The following ENO2 variants were observed in gnomAD, a reference collection of about 807,000 sequenced individuals.
ENO2 encodes the protein gamma-enolase.
ENO2 carries 19 observed loss-of-function variants against 48.7 expected under a neutral mutation model. The ratio of observed to expected loss-of-function variants is 0.39; its 90% CI spans 0.27 to 0.57. The LOEUF is 0.57. Among genes scored for constraint, ENO2 ranks in the 20% least tolerant of loss-of-function variants. The pLI is 0.58. For missense variants in ENO2, 416 were observed against 555.0 expected (o/e 0.75, Z 2.52); for synonymous variants, 198 against 213.4 (o/e 0.93, Z 0.63).
intron 8 of ENO2, 128 bp from the exon 9 acceptor site, chr12:6,921,453 C>T: frequency 1.1e-6 from 1 of 893,802 alleles, no homozygotes; most frequent in Non-Finnish European, 1.8e-6. Flanking sequence ...TTTGTCTTAG[C>T]AAGGATGAGC....
Position 6,916,944 on chromosome 12 carries a change from TG to T in ENO2, c.241-92del. On this transcript the variant is annotated intron_variant, in intron 4 of 11. Coordinates refer to ENST00000229277, the MANE Select transcript of ENO2 (RefSeq NM_001975.3). This position sits in a 1 kb window ranked among gnomAD's most constrained non-coding sequence, Gnocchi z 4.5. Reference sequence around the variant, plus strand: ...CTGTCACAGGGACCTGGTTGGACCCTGGCCAAATGTGAGCTTGGGTGTGAAT... The same window carrying T: ...CTGTCACAGGGACCTGGTTGGACCCTGCCAAATGTGAGCTTGGGTGTGAAT... 6.4e-7 allele frequency: 1 copy of T among 1,568,016 alleles called. No individual in the cohort carries two copies. Among genetic ancestry groups the T allele is most frequent in the Non-Finnish European group, 8.7e-7 (1 of 1,143,606 alleles).
rs1031411638 is a variant in ENO2 at position 6,914,917 on chromosome 12, T to G, written c.-13+258T>G. Among the ~76,000 whole-genome samples, 2 of 152,154 alleles carry G rather than the reference T, an allele frequency of 1.3e-5. No homozygotes were observed. The highest frequency in any genetic ancestry group is 2.4e-5 in the African/African-American group (1 of 41,432). ...CCTGCCTCTCTCCCGGTGCTCGCCC[T>G]CATCTACGGTTCTATTTGTTTCTAA... On this transcript the variant is annotated intron_variant, in intron 1 of 11. Coordinates refer to ENST00000229277, the MANE Select transcript of ENO2 (RefSeq NM_001975.3). This position sits in a 1 kb window ranked among gnomAD's most constrained non-coding sequence, Gnocchi z 7.1.
At chr12:6,921,921 C>G in intron 9 of ENO2, 135 bp from the exon 10 acceptor site, 1 of 1,473,072 alleles carries the variant, frequency 6.8e-7, no homozygotes, top group East Asian at 2.3e-5. Flanking sequence ...CTCACCTCTG[C>G]CCCTCCACCC....
chr12:6,919,631 G>A lies in ENO2; in HGVS notation c.733G>A (p.Asp245Asn). The A allele has an allele frequency of 6.2e-7, 1 of 1,614,150 alleles. No homozygotes were observed. The highest frequency in any genetic ancestry group is 8.5e-7 in the Non-Finnish European group (1 of 1,180,044). ...GYTEKIVIGMDVAASEFYRDG... is the reference protein window; with the variant it reads ...GYTEKIVIGMNVAASEFYRDG... ...CACGGAAAAGATCGTTATTGGCATGGATGTTGCTGCCTCAGAGTTTTATCG... is the reference window on the plus strand; with the variant it reads ...CACGGAAAAGATCGTTATTGGCATGAATGTTGCTGCCTCAGAGTTTTATCG... The change falls in exon 8 of 12, where the codon GAT becomes AAT. Residue 245 changes from aspartate to asparagine, a missense_variant. Asp to Asn is a conservative substitution (Grantham distance 23). Coordinates refer to ENST00000229277, the MANE Select transcript of ENO2 (RefSeq NM_001975.3).
intron 5 of ENO2, 34 bp downstream of exon 5, chr12:6,917,141 C>T: frequency 1.2e-6 from 2 of 1,613,080 alleles, no homozygotes; most frequent in Non-Finnish European, 1.7e-6. Flanking sequence ...GGGGAAGCGT[C>T]AGGGTGGGGA....
chr12:6,918,446 G>C (rs1170647277), intron 7 of ENO2, among the ~76,000 whole-genome samples: 4 of 150,352 alleles, frequency 2.7e-5, no homozygotes, highest in Non-Finnish European at 5.9e-5. Context: ...CGCCTCCCGG[G>C]TTCACGCCAT....
In ENO2 at chr12:6,923,155, G is replaced by A. The variant is rs1945357967; in HGVS notation, c.*355G>A. On this transcript the variant is annotated 3_prime_UTR_variant, in exon 12 of 12. Coordinates refer to ENST00000229277, the MANE Select transcript of ENO2 (RefSeq NM_001975.3). ...TTGGTGTGCTGAGGTGTTAGAGAGG[G>A]ACCATGTGTCACTTGTGCTTTGCTC... The A allele has an allele frequency of 6.9e-6, 2 of 288,134 alleles. No individual in the cohort carries two copies. Among genetic ancestry groups the A allele is most frequent in the Admixed American group, 4.4e-5 (1 of 22,550 alleles). 17.8% of individuals were successfully genotyped at this position (288,134 alleles called of 1,614,324 possible).
chr12:6,917,201 C>T, intron 5 of ENO2, 94 bp downstream of exon 5: 1 of 1,469,144 alleles, frequency 6.8e-7, no homozygotes, highest in Non-Finnish European at 9.4e-7. Context: ...GTGGCTTCCT[C>T]AGGAATGACT....
Position 6,917,030 on chromosome 12 carries a change from G to A in ENO2, c.241-8G>A, listed in dbSNP as rs1555141670. On this transcript the variant is annotated splice_region_variant and splice_polypyrimidine_tract_variant and intron_variant, in intron 4 of 11. Transcript: ENST00000229277. ...CCTGGCCCTGGGTGATGGAGGCTCT[G>A]CCCTCAGGGTCTCTCTGTGGTGGAG... 6.2e-7 allele frequency: 1 copy of A among 1,614,136 alleles called. No homozygotes were observed. Among genetic ancestry groups the A allele is most frequent in the Non-Finnish European group, 8.5e-7 (1 of 1,180,020 alleles).
chr12:6,918,981 C>CAAAAAAA lies in ENO2; in HGVS notation c.668-569_668-563dup, dbSNP rs58247795. 5.3e-5 allele frequency among the ~76,000 whole-genome samples: 4 copies of CAAAAAAA among 75,874 alleles called. No homozygotes were observed. In the East Asian group the frequency reaches 1.5e-3, roughly 29 times the overall value. The allele number at this position is 75,874 out of a possible 152,430, so 49.8% of individuals were successfully genotyped here. On this transcript the variant is annotated intron_variant, in intron 7 of 11. Transcript: ENST00000229277. The stretch of plus-strand genomic sequence containing the variant: ...TGGGCAACAGAGCGAGACTCCGTCT[C>CAAAAAAA]AAAAAAAAAAAAAAAAAAAAAAGTT...
Position 6,918,168 on chromosome 12 carries a change from G to A in ENO2, c.667+6G>A. On this transcript the variant is annotated splice_donor_region_variant and intron_variant, in intron 7 of 11. Coordinates refer to ENST00000229277, the MANE Select transcript of ENO2 (RefSeq NM_001975.3). ...TATCCTGGAGAACAGTGAAGGTGAG[G>A]CCAGGAGCCCCACTCCCAGCTCTAA... 6.2e-7 allele frequency: 1 copy of A among 1,613,846 alleles called. No individual in the cohort carries two copies. Among genetic ancestry groups the A allele is most frequent in the Non-Finnish European group, 8.5e-7 (1 of 1,179,866 alleles).
At chr12:6,915,694 A>AACCCCC in intron 1 of ENO2, 127 bp from the exon 2 acceptor site, 1 of 145,570 alleles carries the variant, frequency 6.9e-6, no homozygotes, top group Non-Finnish European at 1.4e-5. Flanking sequence ...GCGCCTCCCT[A>AACCCCC]CCCACCCCCC....
At chr12:6,917,891 C>A in intron 6 of ENO2, 49 bp from the exon 7 acceptor site, 1 of 1,145,560 alleles carries the variant, frequency 8.7e-7, no homozygotes. Flanking sequence ...ACTCCTGGGG[C>A]GGGCAGGGAG....
chr12:6,922,838 A>G lies in ENO2; in HGVS notation c.*38A>G, dbSNP rs1555142271. 3.1e-6 allele frequency: 5 copies of G among 1,606,662 alleles called. No homozygotes were observed. The South Asian group carries it at 5.5e-5, about 18-fold the overall frequency. ...CCTGGAGACGTGGAACCTCTGTCTC[A>G]TCCTCCTGGAACCTTGCTGTCCTGA... On this transcript the variant is annotated 3_prime_UTR_variant, in exon 12 of 12. Transcript: ENST00000229277. The surrounding 1 kb of genome is among the most constrained non-coding windows in gnomAD (Gnocchi z 5.3).
At position 6,916,566 on chromosome 12, in the gene ENO2, C is replaced by T; in HGVS notation, c.181+54C>T. 12 of 1,611,734 alleles carry T rather than the reference C, an allele frequency of 7.4e-6. No individual in the cohort carries two copies. The highest frequency in any genetic ancestry group is 1.0e-5 in the Non-Finnish European group (12 of 1,178,080). ...CCCCCACCTCAGCCTTATGCCCCTA[C>T]CTCACACCAGTCCCCAGTCCTCCTC... On this transcript the variant is annotated intron_variant, in intron 3 of 11. Coordinates refer to ENST00000229277, the MANE Select transcript of ENO2 (RefSeq NM_001975.3). The surrounding 1 kb of genome is among the most constrained non-coding windows in gnomAD (Gnocchi z 4.5).
At chr12:6,918,184 C>A in intron 7 of ENO2, 22 bp downstream of exon 7, 2 of 1,611,930 alleles carry the variant, frequency 1.2e-6, no homozygotes, top group South Asian at 1.1e-5. Flanking sequence ...AGCCCCACTC[C>A]CAGCTCTAAG....
Position 6,921,571 on chromosome 12 carries a change from C to G in ENO2, c.866-10C>G, listed in dbSNP as rs782151114. ...ACACCTCCCCCCTCCCCACCATGCTCTCTCTGCAGTGGTCTCCATTGAGGA... is the reference window on the plus strand; with the variant it reads ...ACACCTCCCCCCTCCCCACCATGCTGTCTCTGCAGTGGTCTCCATTGAGGA... On this transcript the variant is annotated splice_polypyrimidine_tract_variant and intron_variant, in intron 8 of 11. Transcript: ENST00000229277. 8.7e-6 allele frequency: 14 copies of G among 1,613,904 alleles called. No homozygotes were observed. The highest frequency in any genetic ancestry group is 1.3e-5 in the African/African-American group (1 of 74,890).
In ENO2 at chr12:6,922,350, A is replaced by T; in HGVS notation, c.1183A>T (p.Thr395Ser). The T allele has an allele frequency of 6.2e-7, 1 of 1,614,158 alleles. No homozygotes were observed. Among genetic ancestry groups the T allele is most frequent in the Non-Finnish European group, 8.5e-7 (1 of 1,180,038 alleles). ...ATCCTTTGAAATGTTTCAGATCAAG[A>T]CTGGTGCCCCGTGCCGTTCTGAACG... ...VVGLCTGQIK[T>S]GAPCRSERLA... Residue 395 changes from threonine (T) to serine (S), a missense_variant, in exon 11 of 12, where the codon ACT becomes TCT. Physicochemically the swap from Thr to Ser is moderately conservative, Grantham distance 58 (BLOSUM62 1). Coordinates refer to ENST00000229277, the MANE Select transcript of ENO2 (RefSeq NM_001975.3). This position sits in a 1 kb window ranked among gnomAD's most constrained non-coding sequence, Gnocchi z 5.3.
At position 6,922,659 on chromosome 12, in the gene ENO2, G is replaced by A. The variant is rs782129989; in HGVS notation, c.1236-72G>A. 3.2e-6 allele frequency: 5 copies of A among 1,580,874 alleles called. No homozygotes were observed. The highest frequency in any genetic ancestry group is 2.7e-5 in the African/African-American group (2 of 74,204). On this transcript the variant is annotated intron_variant, in intron 11 of 11. Transcript: ENST00000229277. This position sits in a 1 kb window ranked among gnomAD's most constrained non-coding sequence, Gnocchi z 5.3. Reference sequence around the variant, plus strand: ...GTGGTGTGGGGGTGGTTGGAGTCTGGGGGACCCCTAGAGAGAGAAGCAGGA... The same window carrying A: ...GTGGTGTGGGGGTGGTTGGAGTCTGAGGGACCCCTAGAGAGAGAAGCAGGA...
Sources: allele counts gnomAD v4.1 joint callset (sites outside exome capture counted in the v4.1 genomes callset), GRCh38; gene constraint gnomAD v4.1.1; non-coding constraint Gnocchi (gnomAD v3.1); transcripts MANE v1.5; gene names NCBI Gene and HGNC (gene_info 2026-07-23, HGNC 2026-07-21).